RPN1: variants seen among roughly 807,000 people sequenced by gnomAD.
RPN1 encodes dolichyl-diphosphooligosaccharide--protein glycosyltransferase subunit 1.
In RPN1, 12 loss-of-function variants were observed where a neutral mutation model predicts 55.5. That is an observed-to-expected ratio of 0.22 (90% CI 0.14 to 0.35). The LOEUF is 0.35. RPN1 is among the 10% of genes least tolerant of loss of function. The pLI is 1.00. For missense variants in RPN1, 679 were observed against 761.3 expected (o/e 0.89, Z 1.27); for synonymous variants, 317 against 305.9 (o/e 1.04, Z -0.38).
intron 4 of RPN1, among the ~76,000 whole-genome samples, chr3:128,630,913 A>AC (rs2069636412): frequency 6.8e-6 from 1 of 147,808 alleles, no homozygotes; most frequent in Non-Finnish European, 1.5e-5. Context: ...GAAGATCGAG[A>AC]CCATCCTGGC....
At chr3:128,641,112 C>CGG (rs2069721274) in intron 2 of RPN1, 1 of 149,850 alleles carries the variant, frequency 6.7e-6, no homozygotes, top group Non-Finnish European at 1.5e-5. Flanking sequence ...TTTTTTTTTC[C>CGG]TAAAGCTCTT....
intron 7 of RPN1, 68 bp downstream of exon 7, chr3:128,625,806 A>T (rs1406667364): frequency 2.1e-5 from 32 of 1,558,602 alleles, no homozygotes; most frequent in African/African-American, 4.1e-5. Flanking sequence ...ACAGAAGGTG[A>T]GTTCTTGGCC....
At position 128,634,626 on chromosome 3, in the gene RPN1, G is replaced by A. The variant is rs191716792; in HGVS notation, c.634-2469C>T. On this transcript the variant is annotated intron_variant, in intron 3 of 9. Transcript: ENST00000296255. ...CGCCCAGATTGGAGTGCAATGACGC[G>A]ATCTTGGCTCACTGCAACTTCCACC... 5.2e-4 allele frequency among the ~76,000 whole-genome samples: 78 copies of A among 148,662 alleles called. 2 individuals are homozygous for A. In the East Asian group the frequency reaches 0.015, roughly 29 times the overall value.
At chr3:128,641,164 G>A (rs2069721901) in intron 2 of RPN1, 1 of 151,584 alleles carries the variant, frequency 6.6e-6, no homozygotes, top group Non-Finnish European at 1.5e-5. Flanking sequence ...TGAATGACTT[G>A]GTTTTTTACT....
intron 1 of RPN1, among the ~76,000 whole-genome samples, chr3:128,650,302 G>A (rs1042022298): frequency 5.9e-5 from 9 of 152,180 alleles, no homozygotes; most frequent in African/African-American, 2.2e-4. Context: ...GGCCGGTGCT[G>A]ACGTGGCCCA....
At chr3:128,645,970 C>T (rs975135811) in intron 1 of RPN1, among the ~76,000 whole-genome samples, 2 of 151,442 alleles carry the variant, frequency 1.3e-5, no homozygotes, top group Admixed American at 1.3e-4. Flanking sequence ...CAGGGCTGGG[C>T]GCAGTGGCTC....
In RPN1 at chr3:128,629,702, G is replaced by A. The variant is rs148532946; in HGVS notation, c.1036+249C>T. 2.6e-5 allele frequency among the ~76,000 whole-genome samples: 4 copies of A among 152,166 alleles called. 1 individual carries two copies. The highest frequency in any genetic ancestry group is 4.2e-4 in the South Asian group (2 of 4,814). On this transcript the variant is annotated intron_variant, in intron 5 of 9. Transcript: ENST00000296255. ...AAAAACTATTTAAAGGAATTTCAGCGGTTCCATCTGATGACAGAACTGCAA... is the reference window on the plus strand; with the variant it reads ...AAAAACTATTTAAAGGAATTTCAGCAGTTCCATCTGATGACAGAACTGCAA...
At chr3:128,645,619 C>T (rs552291029) in intron 1 of RPN1, among the ~76,000 whole-genome samples, 1 of 151,830 alleles carries the variant, frequency 6.6e-6, no homozygotes, top group African/African-American at 2.4e-5. Context: ...GAGTTTGAGA[C>T]CAGCCTGGCC....
intron 2 of RPN1, among the ~76,000 whole-genome samples, chr3:128,641,903 G>T (rs549390646): frequency 6.6e-6 from 1 of 152,126 alleles, no homozygotes; most frequent in Non-Finnish European, 1.5e-5. Flanking sequence ...GAGCCACCAC[G>T]CCTGGCCAAT....
At chr3:128,633,535 C>T (rs12635488) in intron 3 of RPN1, among the ~76,000 whole-genome samples, 29,408 of 152,064 alleles carry the variant, frequency 0.19, 3,398 homozygotes, top group Non-Finnish European at 0.26. Flanking sequence ...TTAAAATGTT[C>T]ATATCCTTCA....
intron 3 of RPN1, among the ~76,000 whole-genome samples, chr3:128,633,695 G>A (rs1382292954): frequency 6.6e-6 from 1 of 152,128 alleles, no homozygotes; most frequent in Non-Finnish European, 1.5e-5. Flanking sequence ...TCAAATCAGT[G>A]AGTCAGCCAC....
intron 4 of RPN1, among the ~76,000 whole-genome samples, chr3:128,630,372 A>G (rs907171530): frequency 6.6e-6 from 1 of 152,266 alleles, no homozygotes; most frequent in Non-Finnish European, 1.5e-5. Flanking sequence ...TAAATAATTA[A>G]GGGAAATGCA....
At chr3:128,625,769 G>A in intron 7 of RPN1, 105 bp downstream of exon 7, 2 of 1,565,110 alleles carry the variant, frequency 1.3e-6, no homozygotes, top group Non-Finnish European at 1.7e-6. Flanking sequence ...GACGCCATGA[G>A]CTCAAATGAC....
chr3:128,631,938 C>T lies in RPN1; in HGVS notation c.843+10G>A, dbSNP rs769113963. 1.4e-5 allele frequency: 23 copies of T among 1,613,630 alleles called. 1 individual carries two copies. In the South Asian group the frequency reaches 2.5e-4, roughly 18 times the overall value. The stretch of plus-strand genomic sequence containing the variant: ...CATTTCTCACAATGTCCAAGTTGAA[C>T]ATTCCATACCTTAAAAGAACGGATG... On this transcript the variant is annotated intron_variant, in intron 4 of 9. Coordinates refer to ENST00000296255, the MANE Select transcript of RPN1 (RefSeq NM_002950.4).
intron 5 of RPN1, among the ~76,000 whole-genome samples, chr3:128,629,257 A>G (rs1240684820): frequency 6.6e-6 from 1 of 151,968 alleles, no homozygotes; most frequent in Non-Finnish European, 1.5e-5. Context: ...TTTTTCAGTA[A>G]AAAGGTTTAA....
chr3:128,631,128 T>C (rs958125766), intron 4 of RPN1, among the ~76,000 whole-genome samples: 2 of 104,692 alleles, frequency 1.9e-5, no homozygotes, highest in African/African-American at 3.8e-5. Context: ...AAAAAAAAAA[T>C]ATATGGTTTA....
chr3:128,631,984 C>A lies in RPN1; in HGVS notation c.807G>T (p.Gln269His), dbSNP rs1312837786. ...GGATGGAGGATATTCCACTATCTGG[C>A]TGTCTCTGGTAATCATAGCGTGAGA... Reference protein sequence around the residue: ...GPFSRYDYQRQPDSGISSIRS... With the variant: ...GPFSRYDYQRHPDSGISSIRS... Residue 269 changes from glutamine (Q) to histidine (H), a missense_variant, in exon 4 of 10, where the codon CAG (glutamine) becomes CAT (histidine). By Grantham distance (24) the Gln-to-His change is conservative. Around this residue, in one of 3 missense-constraint regions of RPN1, gnomAD observed 352 missense variants for 352.8 expected, o/e 1.00. Coordinates refer to ENST00000296255, the MANE Select transcript of RPN1 (RefSeq NM_002950.4). 1 of 1,614,096 alleles carries A rather than the reference C, an allele frequency of 6.2e-7. No homozygotes were observed. Among genetic ancestry groups the A allele is most frequent in the Non-Finnish European group, 8.5e-7 (1 of 1,180,052 alleles).
chr3:128,637,451 A>G (rs565531824), intron 3 of RPN1, among the ~76,000 whole-genome samples: 8 of 152,188 alleles, frequency 5.3e-5, no homozygotes, highest in Non-Finnish European at 1.0e-4. Context: ...CCAACATTCA[A>G]GGAAGGCCCT....
rs547291273 is a variant in RPN1 at position 128,640,173 on chromosome 3, A to C, written c.327-2068T>G. On this transcript the variant is annotated intron_variant, in intron 2 of 9. Transcript: ENST00000296255. ...GGTGACGGAGCGAGAATCCATCTCAAAAAAGGAAAAAAAAGAAAAACAGAT... is the reference window on the plus strand; with the variant it reads ...GGTGACGGAGCGAGAATCCATCTCACAAAAGGAAAAAAAAGAAAAACAGAT... Among the ~76,000 whole-genome samples, 24 of 152,236 alleles carry C rather than the reference A, an allele frequency of 1.6e-4. No homozygotes were observed. In the South Asian group the frequency reaches 2.5e-3, roughly 16 times the overall value.
Sources: gnomAD v4.1 joint callset for allele counts (sites outside exome capture counted in the v4.1 genomes callset) on GRCh38, gnomAD v4.1.1 for gene constraint, gnomAD v4.1.1 regional missense constraint, MANE v1.5 for transcripts, NCBI Gene and HGNC (gene_info 2026-07-23, HGNC 2026-07-21) for gene names.